DNAAF6: variants seen among roughly 807,000 people sequenced by gnomAD.
DNAAF6 encodes the protein dynein axonemal assembly factor 6.
A neutral mutation model predicts 13.7 loss-of-function variants in DNAAF6; 3 were observed. The observed-to-expected ratio is 0.22, with a 90% CI of 0.10 to 0.56. DNAAF6 has a LOEUF of 0.56. Ranked by LOEUF, DNAAF6 falls within the 20% of genes least tolerant of loss-of-function variation. The pLI, the probability that DNAAF6 is intolerant of heterozygous loss-of-function variation, is 0.92. For synonymous variants in DNAAF6, 54 were observed against 49.2 expected (o/e 1.10, Z -0.41); for missense variants, 130 against 151.0 (o/e 0.86, Z 0.73).
intron 1 of DNAAF6, among the ~76,000 whole-genome samples, chrX:107,209,965 T>C (rs976740553): frequency 6.3e-5 from 7 of 111,683 alleles, no homozygotes; most frequent in African/African-American, 2.3e-4. Flanking sequence ...TCAAGGTTAC[T>C]GATGTTGCTT....
chrX:107,227,534 G>T (rs1461014932), intron 5 of DNAAF6, among the ~76,000 whole-genome samples: 3 of 107,045 alleles, frequency 2.8e-5, no homozygotes, highest in Non-Finnish European at 5.8e-5. Context: ...TTGTTTGATT[G>T]GTTGTATACC....
chrX:107,225,823 A>T (rs971907911), intron 5 of DNAAF6, among the ~76,000 whole-genome samples: 1 of 110,713 alleles, frequency 9.0e-6, no homozygotes, highest in African/African-American at 3.3e-5. Flanking sequence ...TTAACCAAAC[A>T]CTCCCTGCCC....
chrX:107,210,635 T>C (rs894481969), intron 1 of DNAAF6, among the ~76,000 whole-genome samples: 1 of 110,038 alleles, frequency 9.1e-6, no homozygotes, highest in African/African-American at 3.3e-5. Flanking sequence ...CTCAGGCTGA[T>C]CTCGAACTCC....
chrX:107,231,849 AATT>A (rs1323200343), intron 5 of DNAAF6, among the ~76,000 whole-genome samples: 1 of 111,366 alleles, frequency 9.0e-6, no homozygotes, highest in African/African-American at 3.3e-5. Context: ...TTGATAGATA[AATT>A]TCTTTTTTTT....
At chrX:107,226,188 C>T (rs1259605472) in intron 5 of DNAAF6, among the ~76,000 whole-genome samples, 1 of 112,042 alleles carries the variant, frequency 8.9e-6, no homozygotes, top group African/African-American at 3.2e-5. Context: ...GTTTCAAATA[C>T]TCATATACAT....
chrX:107,216,256 A>G (rs762456969), intron 2 of DNAAF6, among the ~76,000 whole-genome samples: 1 of 111,756 alleles, frequency 8.9e-6, no homozygotes, highest in African/African-American at 3.3e-5. Context: ...TTTTATTTCT[A>G]TAAAACTTTC....
chrX:107,233,978 A>G (rs974073849), intron 5 of DNAAF6, among the ~76,000 whole-genome samples: 4 of 111,807 alleles, frequency 3.6e-5, no homozygotes. Context: ...AGTTAAAAGT[A>G]TAATGAATTT....
At chrX:107,209,505 C>T (rs1445788292) in intron 1 of DNAAF6, among the ~76,000 whole-genome samples, 1 of 111,597 alleles carries the variant, frequency 9.0e-6, no homozygotes, top group Non-Finnish European at 1.9e-5. Context: ...ATGATCTCGG[C>T]TCACTGCAAC....
rs11797235 is a variant in DNAAF6 at position 107,237,707 on chromosome X, G to A, written c.430-1215G>A. On this transcript the variant is annotated intron_variant, in intron 5 of 6. Transcript: ENST00000372453. The stretch of plus-strand genomic sequence containing the variant: ...TGTATAGATTTGCCTATTGTGGGCC[G>A]GGCGCGTGGCTTACCCCTGTAATTC... Among the ~76,000 whole-genome samples the A allele has an allele frequency of 4.9e-3, 547 of 111,963 alleles. 3 individuals are homozygous for A. The highest frequency in any genetic ancestry group is 8.7e-3 in the Non-Finnish European group (464 of 53,146).
intron 2 of DNAAF6, among the ~76,000 whole-genome samples, chrX:107,216,469 A>G (rs1198671973): frequency 1.8e-5 from 2 of 112,110 alleles, no homozygotes; most frequent in Non-Finnish European, 3.8e-5. Context: ...CTATTAAACC[A>G]AACACTTTTT....
chrX:107,229,718 C>T (rs1381513704), intron 5 of DNAAF6, among the ~76,000 whole-genome samples: 1 of 110,594 alleles, frequency 9.0e-6, no homozygotes, highest in African/African-American at 3.3e-5. Flanking sequence ...TTTTAACTCT[C>T]GCTCTGTCAC....
At chrX:107,235,961 T>C (rs1928504091) in intron 5 of DNAAF6, among the ~76,000 whole-genome samples, 2 of 96,331 alleles carry the variant, frequency 2.1e-5, no homozygotes. Context: ...ACCCCATCTC[T>C]ACAAAAATAA....
intron 1 of DNAAF6, among the ~76,000 whole-genome samples, chrX:107,212,107 C>T (rs1461842228): frequency 9.0e-6 from 1 of 111,520 alleles, no homozygotes. Context: ...TCACACTGGC[C>T]TACTTCCCAC....
chrX:107,229,774 A>C (rs1332487726), intron 5 of DNAAF6, among the ~76,000 whole-genome samples: 2 of 110,799 alleles, frequency 1.8e-5, no homozygotes, highest in African/African-American at 6.6e-5. Context: ...TGCAAGCTCC[A>C]CTTCCCGGGT....
intron 5 of DNAAF6, among the ~76,000 whole-genome samples, chrX:107,225,426 G>T (rs1602684318): frequency 9.0e-6 from 1 of 111,263 alleles, no homozygotes; most frequent in Non-Finnish European, 1.9e-5. Context: ...GAGGAAAATA[G>T]TTATAATGCC....
intron 2 of DNAAF6, among the ~76,000 whole-genome samples, chrX:107,216,021 A>C (rs1436908013): frequency 8.9e-6 from 1 of 111,858 alleles, no homozygotes; most frequent in Non-Finnish European, 1.9e-5. Flanking sequence ...ATGCTTGTGC[A>C]GAAGATGGAA....
chrX:107,222,666 C>T (rs1350791548), intron 4 of DNAAF6, 79 bp from the exon 5 acceptor site: 3 of 1,121,718 alleles, frequency 2.7e-6, no homozygotes, highest in East Asian at 3.1e-5. Flanking sequence ...AGCATATCCT[C>T]ATAAGTTACT....
Position 107,244,029 on chromosome X carries a change from A to G in DNAAF6, c.*731A>G, listed in dbSNP as rs1224744064. 8.9e-6 allele frequency: 1 copy of G among 112,739 alleles called. No homozygotes were observed. The highest frequency in any genetic ancestry group is 3.2e-5 in the African/African-American group (1 of 30,960). 9.3% of individuals were successfully genotyped at this position (112,739 alleles called of 1,213,427 possible). A position where few individuals can be genotyped will look rare whatever the true frequency, so the allele number is the denominator to read the frequency against. On this transcript the variant is annotated 3_prime_UTR_variant, in exon 7 of 7. Transcript: ENST00000372453. ...CAGGTAATAAATAGTTTGATGTACC[A>G]TACTATCAACATATTTACTTGAGTA...
chrX:107,207,229 C>A (rs747947492), intron 1 of DNAAF6: 1 of 111,293 alleles, frequency 9.0e-6, no homozygotes, highest in Non-Finnish European at 1.9e-5. Context: ...AAAAAATGGC[C>A]CCAGTACTTA....
Sources: allele counts gnomAD v4.1 joint callset (sites outside exome capture counted in the v4.1 genomes callset), GRCh38; gene constraint gnomAD v4.1.1; transcripts MANE v1.5; gene names NCBI Gene and HGNC (gene_info 2026-07-23, HGNC 2026-07-21).